SMG6: variants seen among roughly 807,000 people sequenced by gnomAD.
The protein encoded by SMG6 is SMG6 nonsense mediated mRNA decay factor.
SMG6 carries 66 observed loss-of-function variants against 142.2 expected under a neutral mutation model. The observed-to-expected ratio is 0.46, with a 90% CI of 0.38 to 0.57. SMG6 has a LOEUF of 0.57. Ranked by LOEUF, SMG6 falls within the 20% of genes least tolerant of loss-of-function variation. The probability of loss-of-function intolerance (pLI) is 0.00; values close to 1 mark genes in which losing one functional copy is unlikely to be tolerated. For missense variants in SMG6, 1,793 were observed against 1,832.0 expected, an observed-to-expected ratio of 0.98 and a Z score of 0.39; for synonymous variants, 779 against 702.4, an observed-to-expected ratio of 1.11 and a Z score of -1.72.
At chr17:2,302,474 G>A (rs1030969555) in intron 1 of SMG6, among the ~76,000 whole-genome samples, 3 of 152,198 alleles carry the variant, frequency 2.0e-5, no homozygotes, top group Admixed American at 2.0e-4. Flanking sequence ...CCGGGAGGCG[G>A]AGGTTGCAGT....
chr17:2,221,095 C>T lies in SMG6; in HGVS notation c.2869+15397G>A, dbSNP rs574254564. Among the ~76,000 whole-genome samples the T allele has an allele frequency of 4.9e-4, 74 of 152,228 alleles. No individual in the cohort carries two copies. The South Asian group carries it at 7.7e-3, about 16-fold the overall frequency. ...AAGAGACCAGAAAGGACTGAACTTACGCTGTTCTATAGAAATTTACTTTCC... is the reference window on the plus strand; with the variant it reads ...AAGAGACCAGAAAGGACTGAACTTATGCTGTTCTATAGAAATTTACTTTCC... On this transcript the variant is annotated intron_variant, in intron 10 of 18. Coordinates refer to ENST00000263073, the MANE Select transcript of SMG6 (RefSeq NM_017575.5).
intron 13 of SMG6, among the ~76,000 whole-genome samples, chr17:2,145,020 T>G (rs1257192238): frequency 2.6e-5 from 4 of 152,212 alleles, no homozygotes; most frequent in African/African-American, 9.6e-5. Flanking sequence ...AGAAATCTTT[T>G]GTTCATTTAG....
At chr17:2,107,266 G>C (rs531671578) in intron 13 of SMG6, among the ~76,000 whole-genome samples, 2 of 152,218 alleles carry the variant, frequency 1.3e-5, no homozygotes, top group African/African-American at 2.4e-5. Context: ...TAGACCTCTC[G>C]GGAGTTCATG....
rs1555528763 is a variant in SMG6 at position 2,061,465 on chromosome 17, C to CCG, written c.*26_*27insCG. ...TGGTGGCCTTTCAGGAACGGTTCCA[C>CCG]GGGGGGGGGGCCCCAGTGTGGCTCC... On this transcript the variant is annotated 3_prime_UTR_variant, in exon 19 of 19. Transcript: ENST00000263073. The CCG allele has an allele frequency of 2.9e-6, 4 of 1,358,758 alleles. No homozygotes were observed. The highest frequency in any genetic ancestry group is 1.5e-5 in the African/African-American group (1 of 67,036). 84.2% of individuals were successfully genotyped at this position (1,358,758 alleles called of 1,614,324 possible). A position where few individuals can be genotyped will look rare whatever the true frequency, so the allele number is the denominator to read the frequency against.
Position 2,242,362 on chromosome 17 carries a change from A to AG in SMG6, c.2723+2295_2723+2296insC, listed in dbSNP as rs1420335786. On this transcript the variant is annotated intron_variant, in intron 9 of 18. Coordinates refer to ENST00000263073, the MANE Select transcript of SMG6 (RefSeq NM_017575.5). ...CCCATCTCTACTGAAGATACAAAAA[A>AG]AAAAAAAAAAAAAAAAAATTAGTCG... Among the ~76,000 whole-genome samples the AG allele has an allele frequency of 9.7e-4, 133 of 137,562 alleles. 2 individuals are homozygous for AG. The highest frequency in any genetic ancestry group is 3.4e-3 in the African/African-American group (124 of 36,252). 90.2% of individuals were successfully genotyped at this position (137,562 alleles called of 152,430 possible).
Position 2,061,588 on chromosome 17 carries a change from C to A in SMG6, c.4164G>T (p.Leu1388=). ...EPIRLLREVV[L]LTDDRNLRVK... ...CACGCAGGTTCCGGTCATCCGTCAACAGCACCACCTCCCGCAGTAGCCGGA... is the reference window on the plus strand; with the variant it reads ...CACGCAGGTTCCGGTCATCCGTCAAAAGCACCACCTCCCGCAGTAGCCGGA... The change falls in exon 19 of 19, where the codon CTG becomes CTT. Residue 1388 remains leucine, a synonymous_variant. Coordinates refer to ENST00000263073, the MANE Select transcript of SMG6 (RefSeq NM_017575.5). The A allele has an allele frequency of 1.9e-6, 3 of 1,572,910 alleles. No homozygotes were observed. Among genetic ancestry groups the A allele is most frequent in the Non-Finnish European group, 8.6e-7 (1 of 1,158,814 alleles).
chr17:2,132,326 T>C (rs1427462387), intron 13 of SMG6, among the ~76,000 whole-genome samples: 1 of 152,190 alleles, frequency 6.6e-6, no homozygotes, highest in African/African-American at 2.4e-5. Context: ...TCAATAAATA[T>C]CTAATGTTGA....
At chr17:2,086,450 T>C (rs2068563430) in intron 13 of SMG6, among the ~76,000 whole-genome samples, 1 of 152,164 alleles carries the variant, frequency 6.6e-6, no homozygotes, top group Admixed American at 6.5e-5. Context: ...TCCTGCCCTA[T>C]CTAAGAGCTC....
At chr17:2,266,346 C>G (rs910517718) in intron 8 of SMG6, 2 of 199,984 alleles carry the variant, frequency 1.0e-5, no homozygotes, top group Admixed American at 1.3e-4. Context: ...TCAACACTCT[C>G]GGGGAGGATG....
intron 13 of SMG6, among the ~76,000 whole-genome samples, chr17:2,132,920 T>G (rs1283024481): frequency 6.6e-6 from 1 of 152,188 alleles, no homozygotes; most frequent in Non-Finnish European, 1.5e-5. Flanking sequence ...AAGCTGGGAC[T>G]ACAGGCACGT....
chr17:2,172,937 G>T, intron 12 of SMG6, 78 bp from the exon 13 acceptor site: 1 of 1,354,986 alleles, frequency 7.4e-7, no homozygotes, highest in East Asian at 2.4e-5. Context: ...TTTGTGAGCA[G>T]GGAAGTACTT....
At chr17:2,136,550 A>T (rs769568145) in intron 13 of SMG6, among the ~76,000 whole-genome samples, 1 of 152,118 alleles carries the variant, frequency 6.6e-6, no homozygotes, top group Non-Finnish European at 1.5e-5. Context: ...ATTTGGATTT[A>T]ATGATCTTTC....
At chr17:2,193,099 G>A (rs186208784) in intron 10 of SMG6, among the ~76,000 whole-genome samples, 6 of 152,304 alleles carry the variant, frequency 3.9e-5, no homozygotes, top group Non-Finnish European at 7.4e-5. Flanking sequence ...ACGTCGAATT[G>A]TAATCCCCAC....
chr17:2,209,872 C>T (rs1340005095), intron 10 of SMG6, among the ~76,000 whole-genome samples: 3 of 152,126 alleles, frequency 2.0e-5, no homozygotes, highest in Non-Finnish European at 2.9e-5. Flanking sequence ...TTACTGAACC[C>T]TTACTATATG....
At chr17:2,086,748 C>G (rs930557662) in intron 13 of SMG6, among the ~76,000 whole-genome samples, 3 of 152,206 alleles carry the variant, frequency 2.0e-5, no homozygotes, top group African/African-American at 7.2e-5. Flanking sequence ...TGCATGCCCT[C>G]TCCTCCACAC....
intron 13 of SMG6, among the ~76,000 whole-genome samples, chr17:2,149,980 T>G (rs1216328049): frequency 1.3e-5 from 2 of 152,190 alleles, no homozygotes; most frequent in African/African-American, 2.4e-5. Flanking sequence ...CAGGTTAGAT[T>G]CTGGCAGAGT....
chr17:2,102,526 TCA>T (rs1273065913), intron 13 of SMG6, among the ~76,000 whole-genome samples: 1 of 134,234 alleles, frequency 7.4e-6, no homozygotes, highest in Non-Finnish European at 1.6e-5. Flanking sequence ...CCTGCTAATT[TCA>T]TTTTTTTTTT....
chr17:2,195,463 T>C (rs1005922672), intron 10 of SMG6, among the ~76,000 whole-genome samples: 1 of 152,200 alleles, frequency 6.6e-6, no homozygotes, highest in African/African-American at 2.4e-5. Context: ...GGAATTGTTA[T>C]TCATACAGTA....
At position 2,116,625 on chromosome 17, in the gene SMG6, G is replaced by A. The variant is rs926762283; in HGVS notation, c.3358-30724C>T. On this transcript the variant is annotated intron_variant, in intron 13 of 18. Transcript: ENST00000263073. ...GCTGGGTGTGGTGGCGGGTACATGT[G>A]TAATCCCAGTTACTCAGGAGGCTGA... 3.3e-5 allele frequency among the ~76,000 whole-genome samples: 5 copies of A among 152,018 alleles called. No individual in the cohort carries two copies. The East Asian group carries it at 7.7e-4, about 23-fold the overall frequency.
Sources: gnomAD v4.1 joint callset for allele counts (sites outside exome capture counted in the v4.1 genomes callset) on GRCh38, gnomAD v4.1.1 for gene constraint, MANE v1.5 for transcripts, NCBI Gene and HGNC (gene_info 2026-07-23, HGNC 2026-07-21) for gene names.